The following PDZRN3 variants were observed in gnomAD, a reference collection of about 807,000 sequenced individuals.
PDZRN3 encodes E3 ubiquitin-protein ligase PDZRN3.
PDZRN3 carries 38 observed loss-of-function variants against 85.7 expected under a neutral mutation model. The observed-to-expected ratio is 0.44, with a 90% CI of 0.34 to 0.58. The LOEUF (loss-of-function observed/expected upper bound fraction) is 0.58. Among genes scored for constraint, PDZRN3 ranks in the 20% least tolerant of loss-of-function variants. The probability of loss-of-function intolerance (pLI) is 0.01; values close to 1 mark genes in which losing one functional copy is unlikely to be tolerated. For missense variants in PDZRN3, 1,629 were observed against 1,506.4 expected (o/e 1.08, Z -1.35); for synonymous variants, 759 against 638.0 (o/e 1.19, Z -2.86).
Position 73,384,741 on chromosome 3 carries a change from T to C in PDZRN3, c.1825A>G (p.Ser609Gly). The C allele has an allele frequency of 6.2e-7, 1 of 1,614,048 alleles. No homozygotes were observed. Residue 609 changes from serine to glycine, a missense_variant, in exon 10 of 10, where the codon AGC becomes GGC. By Grantham distance (56) the Ser-to-Gly change is moderately conservative. Transcript: ENST00000263666. ...TCGCCGCTGCCCAAGGTGTCCTGGC[T>C]GCAGGTGAGCTTCCTCTGCCCCGCC... The part of the protein sequence containing the change: ...PLAGQRKLTC[S>G]QDTLGSGDLP...
chr3:73,537,590 T>C (rs1284219167), intron 3 of PDZRN3, among the ~76,000 whole-genome samples: 1 of 150,002 alleles, frequency 6.7e-6, no homozygotes, highest in Non-Finnish European at 1.5e-5. Flanking sequence ...GAAAGGCCAA[T>C]AAGACCTGTT....
chr3:73,560,445 AT>A lies in PDZRN3; in HGVS notation c.918+41908del, dbSNP rs565231137. On this transcript the variant is annotated intron_variant, in intron 3 of 9. Coordinates refer to ENST00000263666, the MANE Select transcript of PDZRN3 (RefSeq NM_015009.3). The stretch of plus-strand genomic sequence containing the variant: ...GGGGGCAAAAGCTCTGGAGCACAAT[AT>A]ACAGATGGAGAAACAAGACCTTCCA... 3.9e-5 allele frequency among the ~76,000 whole-genome samples: 6 copies of A among 152,286 alleles called. No individual in the cohort carries two copies. The East Asian group carries it at 7.7e-4, about 20-fold the overall frequency.
intron 3 of PDZRN3, among the ~76,000 whole-genome samples, chr3:73,437,736 G>A (rs1394770347): frequency 6.6e-6 from 1 of 151,774 alleles, no homozygotes; most frequent in Admixed American, 6.6e-5. Context: ...CTAATTTAAA[G>A]TACCCTTTAC....
At chr3:73,621,980 C>T (rs1203936556) in intron 1 of PDZRN3, among the ~76,000 whole-genome samples, 1 of 152,190 alleles carries the variant, frequency 6.6e-6, no homozygotes, top group Non-Finnish European at 1.5e-5. Flanking sequence ...ACTAGCTCAA[C>T]AATAAATGAT....
chr3:73,558,815 C>T (rs1701757435), intron 3 of PDZRN3, among the ~76,000 whole-genome samples: 3 of 152,226 alleles, frequency 2.0e-5, no homozygotes, highest in South Asian at 4.1e-4. Context: ...CATGGACTCT[C>T]TTAAGCCTAT....
intron 4 of PDZRN3, among the ~76,000 whole-genome samples, chr3:73,401,370 A>ATTC (rs1442276667): frequency 2.0e-5 from 3 of 152,162 alleles, no homozygotes; most frequent in Non-Finnish European, 2.9e-5. Flanking sequence ...CTTCATTGTT[A>ATTC]GATTTTATCT....
chr3:73,442,336 T>G (rs1442936546), intron 3 of PDZRN3, among the ~76,000 whole-genome samples: 4 of 152,106 alleles, frequency 2.6e-5, no homozygotes, highest in South Asian at 4.2e-4. Flanking sequence ...CTTTGCATGT[T>G]TCAAAGTCCT....
chr3:73,454,728 G>A (rs1702943985), intron 3 of PDZRN3, among the ~76,000 whole-genome samples: 1 of 152,284 alleles, frequency 6.6e-6, no homozygotes, highest in Non-Finnish European at 1.5e-5. Flanking sequence ...GGTACTGATT[G>A]AGAATAAGGA....
chr3:73,562,983 TTATATATATATATATATA>T (rs56679097), intron 3 of PDZRN3, among the ~76,000 whole-genome samples: 1 of 18,964 alleles, frequency 5.3e-5, no homozygotes, highest in East Asian at 4.8e-3. Context: ...AGTTGGCAAA[TTATATATATATATATATA>T]TATATATATA....
intron 3 of PDZRN3, among the ~76,000 whole-genome samples, chr3:73,415,094 G>C (rs890800167): frequency 3.3e-5 from 5 of 152,202 alleles, no homozygotes; most frequent in African/African-American, 1.2e-4. Flanking sequence ...ATAGTGGTGG[G>C]CAAGACTAGA....
intron 3 of PDZRN3, among the ~76,000 whole-genome samples, chr3:73,511,662 C>T (rs77781650): frequency 6.6e-6 from 1 of 152,308 alleles, no homozygotes; most frequent in African/African-American, 2.4e-5. Context: ...CCGTCCACCA[C>T]GCCAGCAGAC....
chr3:73,385,015 G>T, intron 9 of PDZRN3, 85 bp from the exon 10 acceptor site: 2 of 1,467,220 alleles, frequency 1.4e-6, no homozygotes, highest in Non-Finnish European at 1.8e-6. Flanking sequence ...GCGGTTTCTG[G>T]ATAGGGCAGG....
chr3:73,419,153 A>G (rs1702149269), intron 3 of PDZRN3, among the ~76,000 whole-genome samples: 1 of 152,216 alleles, frequency 6.6e-6, no homozygotes, highest in African/African-American at 2.4e-5. Context: ...TCATCTGGGA[A>G]GGAATTAATG....
At chr3:73,496,777 C>G (rs974060727) in intron 3 of PDZRN3, among the ~76,000 whole-genome samples, 2 of 152,108 alleles carry the variant, frequency 1.3e-5, no homozygotes, top group Non-Finnish European at 2.9e-5. Context: ...TAAAGCTTTA[C>G]CAGGTGGCCA....
chr3:73,458,304 C>T (rs992309789), intron 3 of PDZRN3, among the ~76,000 whole-genome samples: 1 of 151,684 alleles, frequency 6.6e-6, no homozygotes, highest in Non-Finnish European at 1.5e-5. Flanking sequence ...GTTAACTGAC[C>T]ACTCCCAAGT....
At chr3:73,554,080 G>C (rs1701630786) in intron 3 of PDZRN3, among the ~76,000 whole-genome samples, 1 of 152,234 alleles carries the variant, frequency 6.6e-6, no homozygotes, top group South Asian at 2.1e-4. Flanking sequence ...GCTGAGTGAA[G>C]GTTATATGCA....
intron 3 of PDZRN3, among the ~76,000 whole-genome samples, chr3:73,508,849 G>A (rs1410018873): frequency 6.6e-6 from 1 of 152,052 alleles, no homozygotes; most frequent in East Asian, 1.9e-4. Context: ...CATAACCAAG[G>A]CCCTCTCATA....
chr3:73,411,507 C>A (rs1024443254), intron 3 of PDZRN3, among the ~76,000 whole-genome samples: 1 of 152,180 alleles, frequency 6.6e-6, no homozygotes, highest in African/African-American at 2.4e-5. Flanking sequence ...AGGCCGTGTC[C>A]ATCCAGAGGA....
intron 3 of PDZRN3, among the ~76,000 whole-genome samples, chr3:73,408,589 G>GGC (rs1701901933): frequency 7.6e-6 from 1 of 131,480 alleles, no homozygotes; most frequent in African/African-American, 3.2e-5. Flanking sequence ...TCTTGGAGGA[G>GGC]GGGGGGGGGT....
Sources: allele counts gnomAD v4.1 joint callset (sites outside exome capture counted in the v4.1 genomes callset), GRCh38; gene constraint gnomAD v4.1.1; transcripts MANE v1.5; gene names NCBI Gene and HGNC (gene_info 2026-07-23, HGNC 2026-07-21).